KHDRBS2: variants seen among roughly 807,000 people sequenced by gnomAD.
KHDRBS2 encodes KH domain-containing, RNA-binding, signal transduction-associated protein 2.
A neutral mutation model predicts 44.3 loss-of-function variants in KHDRBS2; 26 were observed. The ratio of observed to expected loss-of-function variants is 0.59; its 90% CI spans 0.43 to 0.81. KHDRBS2 has a LOEUF of 0.81. Ranked by LOEUF, KHDRBS2 falls within the 40% of genes least tolerant of loss-of-function variation. The pLI is 0.00. For missense variants in KHDRBS2, 476 were observed against 433.1 expected, an observed-to-expected ratio of 1.10 and a Z score of -0.88; for synonymous variants, 194 against 151.1, an observed-to-expected ratio of 1.28 and a Z score of -2.08.
chr6:61,752,795 T>C (rs1777911012), intron 6 of KHDRBS2, among the ~76,000 whole-genome samples: 1 of 151,686 alleles, frequency 6.6e-6, no homozygotes, highest in Non-Finnish European at 1.5e-5. Context: ...TATTATACTA[T>C]ATGGAAATAA....
At chr6:62,188,905 G>C (rs752175389) in intron 1 of KHDRBS2, among the ~76,000 whole-genome samples, 1 of 152,096 alleles carries the variant, frequency 6.6e-6, no homozygotes. Context: ...CTTGAGGTCA[G>C]GAGTTCAAAA....
intron 6 of KHDRBS2, among the ~76,000 whole-genome samples, chr6:61,849,622 G>C (rs1490285879): frequency 2.7e-5 from 4 of 148,990 alleles, no homozygotes; most frequent in African/African-American, 9.7e-5. Flanking sequence ...ATGTACTTCA[G>C]AGAAACAAAG....
At chr6:62,149,139 G>A (rs1814550102) in intron 2 of KHDRBS2, among the ~76,000 whole-genome samples, 1 of 151,984 alleles carries the variant, frequency 6.6e-6, no homozygotes, top group East Asian at 1.9e-4. Context: ...AAACATAAAC[G>A]ATTGAGACTC....
At chr6:61,853,773 C>T (rs866141651) in intron 6 of KHDRBS2, among the ~76,000 whole-genome samples, 4 of 152,180 alleles carry the variant, frequency 2.6e-5, no homozygotes, top group Admixed American at 6.6e-5. Flanking sequence ...GGTTTTTGGG[C>T]TGATGCAGTT....
chr6:61,544,715 T>C, the KHDRBS2 span, among the ~76,000 whole-genome samples: 2 of 152,124 alleles, frequency 1.3e-5, no homozygotes, highest in African/African-American at 2.4e-5. Flanking sequence ...ATTAAGAAAA[T>C]GTGGCACATA....
chr6:61,699,568 C>A (rs75378535), intron 7 of KHDRBS2, among the ~76,000 whole-genome samples: 1 of 151,740 alleles, frequency 6.6e-6, no homozygotes, highest in Non-Finnish European at 1.5e-5. Context: ...ATGGAAGGAA[C>A]GACAGAAGGG....
chr6:61,813,149 T>C (rs570980062), intron 6 of KHDRBS2, among the ~76,000 whole-genome samples: 2 of 152,024 alleles, frequency 1.3e-5, no homozygotes, highest in African/African-American at 2.4e-5. Context: ...TAAGAACATA[T>C]ACAGGAATTA....
chr6:61,559,569 T>C, the KHDRBS2 span, among the ~76,000 whole-genome samples: 1 of 152,206 alleles, frequency 6.6e-6, no homozygotes, highest in African/African-American at 2.4e-5. Flanking sequence ...ACTTCTTGTG[T>C]ATTCATTGGA....
At chr6:61,781,955 G>A (rs1454697213) in intron 6 of KHDRBS2, among the ~76,000 whole-genome samples, 1 of 152,060 alleles carries the variant, frequency 6.6e-6, no homozygotes, top group African/African-American at 2.4e-5. Flanking sequence ...TAAGAATTTT[G>A]GACAAATGTT....
chr6:62,047,980 C>A lies in KHDRBS2; in HGVS notation c.234G>T (p.Gly78=). 1 of 1,596,802 alleles carries A rather than the reference C, an allele frequency of 6.3e-7. No individual in the cohort carries two copies. Among genetic ancestry groups the A allele is most frequent in the Non-Finnish European group, 8.6e-7 (1 of 1,164,806 alleles). The change falls in exon 3 of 9, where the codon GGG becomes GGT. Residue 78 remains glycine (G), a synonymous_variant. Transcript: ENST00000281156. ...VKQYPKFNFV[G]KLLGPRGNSL... ...AGTTTCCTCTTGGTCCAAGCAATTT[C>A]CCCACAAAATTGAACTAGGAAACAA...
At chr6:62,246,427 T>G (rs1019123319) in intron 1 of KHDRBS2, among the ~76,000 whole-genome samples, 1 of 152,060 alleles carries the variant, frequency 6.6e-6, no homozygotes, top group Non-Finnish European at 1.5e-5. Context: ...ATAGTTCATT[T>G]TTCACATGTG....
At position 62,164,425 on chromosome 6, in the gene KHDRBS2, T is replaced by C. The variant is rs1436226352; in HGVS notation, c.219+12760A>G. The stretch of plus-strand genomic sequence containing the variant: ...CATAGAACCAATTTTTCTACATTAA[T>C]TGCTTTACATTAGCCCAAACTATTT... On this transcript the variant is annotated intron_variant, in intron 2 of 8. Transcript: ENST00000281156. Among the ~76,000 whole-genome samples, 4 of 151,902 alleles carry C rather than the reference T, an allele frequency of 2.6e-5. No individual in the cohort carries two copies. In the East Asian group the frequency reaches 7.7e-4, roughly 29 times the overall value.
chr6:61,709,698 A>T (rs1467509907), intron 7 of KHDRBS2, among the ~76,000 whole-genome samples: 1 of 151,616 alleles, frequency 6.6e-6, no homozygotes, highest in Non-Finnish European at 1.5e-5. Context: ...CATAGCAAAA[A>T]TTTTCTATAA....
At chr6:61,821,510 G>T (rs1445933860) in intron 6 of KHDRBS2, among the ~76,000 whole-genome samples, 1 of 151,904 alleles carries the variant, frequency 6.6e-6, no homozygotes, top group Non-Finnish European at 1.5e-5. Context: ...GACTTAAAAT[G>T]CTGAGAGCGT....
chr6:62,251,683 C>T (rs1836561811), intron 1 of KHDRBS2, among the ~76,000 whole-genome samples: 1 of 151,800 alleles, frequency 6.6e-6, no homozygotes, highest in African/African-American at 2.4e-5. Context: ...TAGAGGATGC[C>T]TACTTAATAA....
intron 4 of KHDRBS2, among the ~76,000 whole-genome samples, chr6:61,937,573 A>T (rs930804859): frequency 6.6e-6 from 1 of 151,960 alleles, no homozygotes; most frequent in Non-Finnish European, 1.5e-5. Context: ...CTACTATATG[A>T]GTATCGGGCA....
chr6:61,931,274 C>T (rs1263737920), intron 4 of KHDRBS2, among the ~76,000 whole-genome samples: 3 of 151,756 alleles, frequency 2.0e-5, no homozygotes, highest in Non-Finnish European at 4.4e-5. Flanking sequence ...TTCATAAATC[C>T]GTAACCCTCT....
intron 6 of KHDRBS2, among the ~76,000 whole-genome samples, chr6:61,735,235 A>AT (rs539114442): frequency 3.1e-4 from 47 of 152,176 alleles, no homozygotes; most frequent in African/African-American, 9.4e-4. Flanking sequence ...AATTATTGAC[A>AT]TTTTGTCTCA....
At chr6:62,032,668 C>T (rs1309473433) in intron 3 of KHDRBS2, among the ~76,000 whole-genome samples, 1 of 151,654 alleles carries the variant, frequency 6.6e-6, no homozygotes, top group Non-Finnish European at 1.5e-5. Flanking sequence ...CTTGGGGTAC[C>T]CACAAAAGCA....
Sources: gnomAD v4.1 joint callset for allele counts (sites outside exome capture counted in the v4.1 genomes callset) on GRCh38, gnomAD v4.1.1 for gene constraint, MANE v1.5 for transcripts, NCBI Gene and HGNC (gene_info 2026-07-23, HGNC 2026-07-21) for gene names.